DOCK4: variants seen among roughly 807,000 people sequenced by gnomAD.
The protein encoded by DOCK4 is dedicator of cytokinesis protein 4.
DOCK4 carries 97 observed loss-of-function variants against 268.1 expected under a neutral mutation model. That is an observed-to-expected ratio of 0.36 (90% confidence interval 0.31 to 0.43). DOCK4 has a LOEUF of 0.43. Among genes scored for constraint, DOCK4 ranks in the 20% least tolerant of loss-of-function variants. The pLI, the probability that DOCK4 is intolerant of heterozygous loss-of-function variation, is 1.00. For missense variants in DOCK4, 2,145 were observed against 2,455.7 expected (o/e 0.87, Z 2.67); for synonymous variants, 954 against 887.2 (o/e 1.08, Z -1.34).
At chr7:111,998,546 C>A in intron 3 of DOCK4, 43 bp from the exon 4 acceptor site, 1 of 1,515,370 alleles carries the variant, frequency 6.6e-7, no homozygotes, top group Non-Finnish European at 8.9e-7. Flanking sequence ...GCTGTTAAGG[C>A]AGGGTTGGTT....
At chr7:111,878,808 G>A (rs1807133728) in intron 16 of DOCK4, among the ~76,000 whole-genome samples, 1 of 152,148 alleles carries the variant, frequency 6.6e-6, no homozygotes, top group Non-Finnish European at 1.5e-5. Flanking sequence ...CACCATCTCA[G>A]CAGCTGGAAC....
intron 1 of DOCK4, among the ~76,000 whole-genome samples, chr7:112,188,872 C>T (rs1028846223): frequency 1.3e-5 from 2 of 152,182 alleles, no homozygotes; most frequent in Admixed American, 6.5e-5. Flanking sequence ...TTTTATCTTT[C>T]TGAATTTATA....
At chr7:111,806,327 C>G (rs1203670602) in intron 30 of DOCK4, among the ~76,000 whole-genome samples, 1 of 152,190 alleles carries the variant, frequency 6.6e-6, no homozygotes, top group South Asian at 2.1e-4. Context: ...TTCTTCTCCT[C>G]ATTTTATAAA....
At chr7:112,056,617 G>C (rs1293354294) in intron 1 of DOCK4, among the ~76,000 whole-genome samples, 3 of 152,024 alleles carry the variant, frequency 2.0e-5, no homozygotes, top group Non-Finnish European at 4.4e-5. Flanking sequence ...AGTGCACCTG[G>C]GCCCAGCTAA....
chr7:111,947,445 G>A (rs921513651), intron 8 of DOCK4, among the ~76,000 whole-genome samples: 1 of 151,590 alleles, frequency 6.6e-6, no homozygotes, highest in Non-Finnish European at 1.5e-5. Flanking sequence ...ATTTCTATGG[G>A]GTCATTTTCA....
intron 17 of DOCK4, 121 bp downstream of exon 17, chr7:111,876,909 T>A (rs1180928591): frequency 3.1e-6 from 3 of 970,258 alleles, no homozygotes; most frequent in Non-Finnish European, 4.0e-6. Context: ...AAATCACAAA[T>A]GGAAGGATCA....
intron 16 of DOCK4, among the ~76,000 whole-genome samples, chr7:111,878,947 T>A (rs1041535104): frequency 2.0e-5 from 3 of 151,726 alleles, no homozygotes; most frequent in African/African-American, 7.3e-5. Flanking sequence ...GGGCTTAGAG[T>A]CCATGGACAA....
chr7:112,139,755 A>G (rs1814715994), intron 1 of DOCK4, among the ~76,000 whole-genome samples: 1 of 152,226 alleles, frequency 6.6e-6, no homozygotes, highest in African/African-American at 2.4e-5. Flanking sequence ...AGACAGAAAA[A>G]ATCATTATCT....
At chr7:112,050,719 T>C (rs923718695) in intron 1 of DOCK4, among the ~76,000 whole-genome samples, 1 of 152,136 alleles carries the variant, frequency 6.6e-6, no homozygotes, top group African/African-American at 2.4e-5. Flanking sequence ...CAGTGTATAC[T>C]TAACTCTTTC....
At chr7:111,737,069 C>G (rs984861831) in intron 49 of DOCK4, 80 bp from the exon 50 acceptor site, 3 of 1,229,602 alleles carry the variant, frequency 2.4e-6, no homozygotes, top group Non-Finnish European at 3.5e-6. Flanking sequence ...CGATTATCTC[C>G]TCAGTAAAAC....
At chr7:111,841,398 C>T (rs1803682501) in intron 25 of DOCK4, among the ~76,000 whole-genome samples, 1 of 151,924 alleles carries the variant, frequency 6.6e-6, no homozygotes, top group Non-Finnish European at 1.5e-5. Flanking sequence ...CTGCCTCAAG[C>T]AATACGCCCG....
At chr7:111,785,291 A>G (rs1237845457) in intron 32 of DOCK4, among the ~76,000 whole-genome samples, 1 of 152,208 alleles carries the variant, frequency 6.6e-6, no homozygotes, top group African/African-American at 2.4e-5. Flanking sequence ...CACCTCTTTC[A>G]GGCTTAAATT....
chr7:111,779,988 A>C (rs1332862060), intron 35 of DOCK4, among the ~76,000 whole-genome samples: 2 of 152,206 alleles, frequency 1.3e-5, no homozygotes, highest in African/African-American at 2.4e-5. Context: ...ATCGGTGATG[A>C]GGGAATAAAT....
chr7:111,829,276 AT>A (rs528720401), intron 26 of DOCK4, among the ~76,000 whole-genome samples: 106 of 152,288 alleles, frequency 7.0e-4, no homozygotes, highest in African/African-American at 2.5e-3. Context: ...GATAGGAAAG[AT>A]TTTGGTTTAA....
chr7:112,190,754 G>A lies in DOCK4; in HGVS notation c.37+15348C>T, dbSNP rs1207791422. 2.0e-5 allele frequency among the ~76,000 whole-genome samples: 3 copies of A among 152,164 alleles called. No homozygotes were observed. The East Asian group carries it at 5.8e-4, about 29-fold the overall frequency. ...TTGCTTTATGAAAAAGGTCACTTGT[G>A]GCTTAAGTCCAAAGCATGTACTAGA... is the stretch of plus-strand genomic sequence containing the variant. On this transcript the variant is annotated intron_variant, in intron 1 of 52. Coordinates refer to ENST00000428084, the MANE Select transcript of DOCK4 (RefSeq NM_001363540.2).
chr7:111,859,894 A>G (rs1383659868), intron 23 of DOCK4, among the ~76,000 whole-genome samples: 1 of 152,212 alleles, frequency 6.6e-6, no homozygotes, highest in Admixed American at 6.5e-5. Context: ...ATGAAAGGTC[A>G]GAAGTGTTAG....
chr7:111,869,625 C>G lies in DOCK4; in HGVS notation c.2058G>C (p.Val686=), dbSNP rs766209630. Residue 686 remains valine (V), a synonymous_variant, in exon 21 of 53, where the codon GTG becomes GTC. Coordinates refer to ENST00000428084, the MANE Select transcript of DOCK4 (RefSeq NM_001363540.2). Reference sequence around the variant, plus strand: ...GCCGCTCTGCTTCTGTGATCCGGTCCACGTACCATTTGAGCACTTTGATGA... The same window carrying G: ...GCCGCTCTGCTTCTGTGATCCGGTCGACGTACCATTTGAGCACTTTGATGA... ...RDLIKVLKWY[V]DRITEAERQE... 3.1e-6 allele frequency: 5 copies of G among 1,613,454 alleles called. No individual in the cohort carries two copies. The highest frequency in any genetic ancestry group is 4.2e-6 in the Non-Finnish European group (5 of 1,179,506).
At chr7:112,201,275 C>A (rs1820912032) in intron 1 of DOCK4, among the ~76,000 whole-genome samples, 2 of 152,110 alleles carry the variant, frequency 1.3e-5, no homozygotes, top group South Asian at 2.1e-4. Flanking sequence ...ATGATTCCTA[C>A]CCAGATGAGT....
intron 30 of DOCK4, among the ~76,000 whole-genome samples, chr7:111,792,571 CG>C (rs1443263200): frequency 4.6e-5 from 7 of 151,968 alleles, no homozygotes; most frequent in African/African-American, 1.7e-4. Context: ...TTAGTAGAGA[CG>C]GGGTTTTACC....
Sources: allele counts gnomAD v4.1 joint callset (sites outside exome capture counted in the v4.1 genomes callset), GRCh38; gene constraint gnomAD v4.1.1; transcripts MANE v1.5; gene names NCBI Gene and HGNC (gene_info 2026-07-23, HGNC 2026-07-21).